The following TENM2 variants were observed in gnomAD, a reference collection of about 807,000 sequenced individuals.
TENM2 encodes teneurin-2.
TENM2 carries 52 observed loss-of-function variants against 245.2 expected under a neutral mutation model. The ratio of observed to expected loss-of-function variants is 0.21; its 90% CI spans 0.17 to 0.27. The LOEUF is 0.27. TENM2 is among the 10% of genes least tolerant of loss of function. TENM2 has a pLI of 1.00. For synonymous variants in TENM2, 1,363 were observed against 1,438.9 expected, an observed-to-expected ratio of 0.95 and a Z score of 1.19; for missense variants, 3,046 against 3,666.8, an observed-to-expected ratio of 0.83 and a Z score of 4.37.
At chr5:167,462,179 CCA>C (rs796168853) in intron 2 of TENM2, among the ~76,000 whole-genome samples, 743 of 78,656 alleles carry the variant, frequency 9.4e-3, no homozygotes, top group East Asian at 0.013. Context: ...TCCCTGACCC[CCA>C]CCCCCCCCCC....
intron 2 of TENM2, among the ~76,000 whole-genome samples, chr5:167,384,097 T>G (rs1761266407): frequency 6.6e-6 from 1 of 152,218 alleles, no homozygotes; most frequent in African/African-American, 2.4e-5. Context: ...TATGTTATAG[T>G]AAAATTTGTA....
chr5:167,957,689 G>GTT (rs1780671455), intron 4 of TENM2, among the ~76,000 whole-genome samples: 1 of 152,230 alleles, frequency 6.6e-6, no homozygotes, highest in South Asian at 2.1e-4. Flanking sequence ...GTTCTCATTG[G>GTT]TTTCAAAGAA....
chr5:167,113,716 C>T, the TENM2 span, among the ~76,000 whole-genome samples: 1 of 151,356 alleles, frequency 6.6e-6, no homozygotes, highest in African/African-American at 2.4e-5. Flanking sequence ...TTTCTGTAAT[C>T]TTTTATTTTA....
intron 3 of TENM2, among the ~76,000 whole-genome samples, chr5:167,951,188 G>A (rs1405507769): frequency 1.3e-5 from 2 of 152,304 alleles, no homozygotes; most frequent in South Asian, 2.1e-4. Context: ...ATGTAGCCCG[G>A]CCACATAAGG....
At chr5:167,694,686 T>C (rs1204521728) in intron 2 of TENM2, among the ~76,000 whole-genome samples, 1 of 152,128 alleles carries the variant, frequency 6.6e-6, no homozygotes, top group Non-Finnish European at 1.5e-5. Flanking sequence ...TCCCATCCTT[T>C]TGAGAATCGG....
At chr5:168,036,737 A>C (rs1442242570) in intron 5 of TENM2, among the ~76,000 whole-genome samples, 2 of 146,394 alleles carry the variant, frequency 1.4e-5, no homozygotes, top group East Asian at 3.9e-4. Context: ...ATATATACGT[A>C]TGTGTATATA....
intron 7 of TENM2, among the ~76,000 whole-genome samples, chr5:168,074,805 T>A (rs1462715833): frequency 1.3e-5 from 2 of 152,226 alleles, no homozygotes. Context: ...CTGACGTTTT[T>A]ACTCCTCATG....
chr5:167,992,842 A>G, intron 4 of TENM2, 102 bp from the exon 7 acceptor site: 1 of 819,810 alleles, frequency 1.2e-6, no homozygotes, highest in Admixed American at 2.3e-5. Flanking sequence ...TTAGTTAACT[A>G]GGATTATGCT....
At chr5:167,000,290 T>C in the TENM2 span, among the ~76,000 whole-genome samples, 3 of 152,162 alleles carry the variant, frequency 2.0e-5, no homozygotes, top group Non-Finnish European at 2.9e-5. Context: ...CTATCAAATA[T>C]CAACCTATTT....
At chr5:167,403,162 ATTAT>A (rs1762452917) in intron 2 of TENM2, among the ~76,000 whole-genome samples, 1 of 131,282 alleles carries the variant, frequency 7.6e-6, no homozygotes, top group Non-Finnish European at 1.6e-5. Flanking sequence ...TGTGATAGTT[ATTAT>A]TTTTTTTAAG....
intron 13 of TENM2, among the ~76,000 whole-genome samples, chr5:168,188,320 A>G (rs2152505160): frequency 6.6e-6 from 1 of 152,298 alleles, no homozygotes; most frequent in Non-Finnish European, 1.5e-5. Context: ...GGTTCTAATT[A>G]TGGTCCAAAA....
intron 2 of TENM2, among the ~76,000 whole-genome samples, chr5:167,483,724 TC>T (rs1767901534): frequency 6.6e-6 from 1 of 152,232 alleles, no homozygotes; most frequent in East Asian, 1.9e-4. Flanking sequence ...ATCTTTATTC[TC>T]TCTGGAATTT....
intron 2 of TENM2, among the ~76,000 whole-genome samples, chr5:167,671,248 A>G (rs1582708282): frequency 2.6e-5 from 4 of 152,188 alleles, no homozygotes; most frequent in Admixed American, 2.6e-4. Flanking sequence ...TTGCTGTTGT[A>G]TAATAGCCCT....
At chr5:167,211,378 C>T in the TENM2 span, among the ~76,000 whole-genome samples, 3 of 152,202 alleles carry the variant, frequency 2.0e-5, no homozygotes, top group South Asian at 4.1e-4. Flanking sequence ...TTTTATACTA[C>T]TTGATAAAAT....
chr5:167,625,232 T>A (rs1324440422), intron 2 of TENM2, among the ~76,000 whole-genome samples: 1 of 152,228 alleles, frequency 6.6e-6, no homozygotes, highest in Non-Finnish European at 1.5e-5. Flanking sequence ...GATGACTTTT[T>A]GCATACTGCC....
intron 2 of TENM2, among the ~76,000 whole-genome samples, chr5:167,861,047 A>T (rs1431541147): frequency 1.0e-4 from 9 of 88,048 alleles, no homozygotes; most frequent in Non-Finnish European, 2.3e-4. Context: ...AATAAAAAAA[A>T]AAATTAAAAA....
intron 2 of TENM2, among the ~76,000 whole-genome samples, chr5:167,619,272 T>A (rs1205573958): frequency 2.6e-5 from 4 of 152,166 alleles, no homozygotes; most frequent in Admixed American, 6.6e-5. Context: ...TGAAAGGAAG[T>A]AGCAGCTTTA....
At chr5:167,876,146 T>G in exon 3 of TENM2, 1 of 1,551,554 alleles carries the variant, frequency 6.4e-7, no homozygotes, top group Non-Finnish European at 8.7e-7. Flanking sequence ...TCTCCCCCAA[T>G]TCATACCTGC....
Position 167,438,879 on chromosome 5 carries a change from C to T in TENM2, c.502+63406C>T, listed in dbSNP as rs574243632. Reference sequence around the variant, plus strand: ...CACGATCTCAGCTCACTGCAACCTCCGCCTCCGGAGTTCAAGCACTTCTCC... The same window carrying T: ...CACGATCTCAGCTCACTGCAACCTCTGCCTCCGGAGTTCAAGCACTTCTCC... On this transcript the variant is annotated intron_variant, in intron 2 of 28. Transcript: ENST00000518659. Among the ~76,000 whole-genome samples, 62 of 152,200 alleles carry T rather than the reference C, an allele frequency of 4.1e-4. 1 individual carries two copies. The South Asian group carries it at 6.0e-3, about 15-fold the overall frequency.
Sources: allele counts gnomAD v4.1 joint callset (sites outside exome capture counted in the v4.1 genomes callset), GRCh38; gene constraint gnomAD v4.1.1; transcripts MANE v1.5; gene names NCBI Gene and HGNC (gene_info 2026-07-23, HGNC 2026-07-21).